The following CHL1 variants were observed in gnomAD, a reference collection of about 807,000 sequenced individuals.
CHL1 encodes neural cell adhesion molecule L1-like protein.
Under a neutral mutation model 141.9 loss-of-function variants are expected in CHL1, and 96 were observed. That is an observed-to-expected ratio of 0.68 (90% CI 0.57 to 0.80). The LOEUF is 0.80. CHL1 is among the 30% of genes least tolerant of loss of function. The pLI, the probability that CHL1 is intolerant of heterozygous loss-of-function variation, is 0.00. For missense variants in CHL1, 1,820 were observed against 1,457.2 expected, an observed-to-expected ratio of 1.25 and a Z score of -4.05; for synonymous variants, 613 against 502.2, an observed-to-expected ratio of 1.22 and a Z score of -2.95.
At chr3:222,879 T>G (rs1368568603) in intron 1 of CHL1, among the ~76,000 whole-genome samples, 6 of 152,166 alleles carry the variant, frequency 3.9e-5, no homozygotes, top group Non-Finnish European at 8.8e-5. Flanking sequence ...ATTCTCTGTG[T>G]TTTTTTAGTG....
Position 391,169 on chromosome 3 carries a change from T to A in CHL1, c.2791+10T>A, listed in dbSNP as rs1452232764. On this transcript the variant is annotated intron_variant, in intron 22 of 27. Coordinates refer to ENST00000256509, the MANE Select transcript of CHL1 (RefSeq NM_006614.4). ...CAAACACCAGAAGGAGGTGAGAGGATAATGATGTAGAGTCATGTCAAAAAT... is the reference window on the plus strand; with the variant it reads ...CAAACACCAGAAGGAGGTGAGAGGAAAATGATGTAGAGTCATGTCAAAAAT... 6.3e-7 allele frequency: 1 copy of A among 1,592,708 alleles called. No homozygotes were observed. The highest frequency in any genetic ancestry group is 2.2e-5 in the East Asian group (1 of 44,738).
chr3:308,191 T>C lies in CHL1; in HGVS notation c.-94-11492T>C, dbSNP rs73097067. ...AGAAAATAAAAGGAATTCAGAATTT[T>C]ATCAACCGTCTATATCTATGCAGAT... On this transcript the variant is annotated intron_variant, in intron 2 of 27. Transcript: ENST00000256509. 2.2e-3 allele frequency among the ~76,000 whole-genome samples: 342 copies of C among 152,352 alleles called. 2 individuals carry two copies. The highest frequency in any genetic ancestry group is 7.9e-3 in the African/African-American group (328 of 41,578).
intron 2 of CHL1, among the ~76,000 whole-genome samples, chr3:309,806 C>A (rs566804525): frequency 1.3e-5 from 2 of 152,262 alleles, no homozygotes; most frequent in East Asian, 1.9e-4. Context: ...TGAGGCACTG[C>A]ACTTGATCCT....
chr3:352,227 C>T (rs1005131839), intron 10 of CHL1, among the ~76,000 whole-genome samples: 5 of 151,848 alleles, frequency 3.3e-5, no homozygotes, highest in South Asian at 2.1e-4. Flanking sequence ...TAAAATGTTG[C>T]GATTAAATCC....
chr3:235,171 A>G (rs1036294729), intron 1 of CHL1, among the ~76,000 whole-genome samples: 3 of 152,054 alleles, frequency 2.0e-5, no homozygotes, highest in African/African-American at 7.2e-5. Context: ...AAACATTATT[A>G]AAAATATTTG....
intron 12 of CHL1, among the ~76,000 whole-genome samples, chr3:361,302 T>A (rs1361586643): frequency 2.1e-5 from 3 of 146,026 alleles, no homozygotes; most frequent in Admixed American, 7.1e-5. Flanking sequence ...ATTCAGGACA[T>A]AGGCATGGGC....
Position 360,300 on chromosome 3 carries a change from T to G in CHL1, c.1182T>G (p.Gly394=). ...GSPVDNHPFA[G]DVVFPREISF... ...CTCTTTCAGATCATCCATTTGCTGG[T>G]GATGTTGTCTTCCCCAGGGAAATCA... The change falls in exon 12 of 28, where the codon GGT becomes GGG. Residue 394 remains glycine, a synonymous_variant. Coordinates refer to ENST00000256509, the MANE Select transcript of CHL1 (RefSeq NM_006614.4). 1 of 1,613,854 alleles carries G rather than the reference T, an allele frequency of 6.2e-7. No homozygotes were observed. The highest frequency in any genetic ancestry group is 8.5e-7 in the Non-Finnish European group (1 of 1,179,786).
intron 2 of CHL1, among the ~76,000 whole-genome samples, chr3:293,418 G>A (rs185854896): frequency 3.3e-5 from 5 of 152,170 alleles, no homozygotes; most frequent in South Asian, 2.1e-4. Flanking sequence ...CACAAGAATC[G>A]CTTCAACCGG....
At chr3:253,611 A>G (rs558059853) in intron 2 of CHL1, among the ~76,000 whole-genome samples, 1 of 152,260 alleles carries the variant, frequency 6.6e-6, no homozygotes, top group South Asian at 2.1e-4. Flanking sequence ...TTAAAGACAC[A>G]TTTCTTTGTC....
In CHL1 at chr3:406,610, T is replaced by G. The variant is rs747891486; in HGVS notation, c.*899T>G. ...ATATATTTCATGAATACATTGTACA[T>G]ATTATGTTAATATTTACACAATTTA... On this transcript the variant is annotated 3_prime_UTR_variant, in exon 28 of 28. Transcript: ENST00000256509. 6.6e-6 allele frequency: 1 copy of G among 152,134 alleles called. No homozygotes were observed. The highest frequency in any genetic ancestry group is 1.5e-5 in the Non-Finnish European group (1 of 68,012). 9.4% of individuals were successfully genotyped at this position (152,134 alleles called of 1,614,324 possible).
intron 9 of CHL1, 133 bp from the exon 10 acceptor site, chr3:349,226 A>G: frequency 1.4e-6 from 1 of 709,748 alleles, no homozygotes; most frequent in Non-Finnish European, 2.3e-6. Context: ...GTCCACTGGT[A>G]AGGATGACGT....
chr3:390,787 A>G lies in CHL1; in HGVS notation c.2557A>G (p.Arg853Gly), dbSNP rs1708155353. Residue 853 changes from arginine to glycine, a missense_variant, in exon 21 of 28, where the codon AGA (arginine) becomes GGA (glycine). By Grantham distance (125) the Arg-to-Gly change is moderately radical. Transcript: ENST00000256509. Reference protein sequence around the residue: ...KVTWSTVPKDRVHGRLKGYQI... With the variant: ...KVTWSTVPKDGVHGRLKGYQI... ...TACCTGGTCAACAGTTCCAAAGGAC[A>G]GAGTACATGGACGTCTGAAAGGCTA... 1 of 1,609,954 alleles carries G rather than the reference A, an allele frequency of 6.2e-7. No individual in the cohort carries two copies. The highest frequency in any genetic ancestry group is 8.5e-7 in the Non-Finnish European group (1 of 1,176,244).
chr3:339,160 G>A (rs1160788070), intron 5 of CHL1, among the ~76,000 whole-genome samples: 3 of 152,144 alleles, frequency 2.0e-5, no homozygotes, highest in South Asian at 4.1e-4. Context: ...AGTGTTTACT[G>A]GGCTTAAGTT....
chr3:281,235 T>C (rs1349549142), intron 2 of CHL1, among the ~76,000 whole-genome samples: 9 of 152,196 alleles, frequency 5.9e-5, no homozygotes, highest in African/African-American at 1.7e-4. Context: ...ATCTCCCTAG[T>C]AATTGTGCAG....
In CHL1 at chr3:218,678, A is replaced by G. The variant is rs1344028531; in HGVS notation, c.-175+21615A>G. On this transcript the variant is annotated intron_variant, in intron 1 of 27. Transcript: ENST00000256509. ...CTAACTTTCAAATCTATGTGAAATGATATGATTTATTGTGATATAAAGAAT... is the reference window on the plus strand; with the variant it reads ...CTAACTTTCAAATCTATGTGAAATGGTATGATTTATTGTGATATAAAGAAT... Among the ~76,000 whole-genome samples the G allele has an allele frequency of 3.3e-5, 5 of 152,340 alleles. No individual in the cohort carries two copies. In the East Asian group the frequency reaches 7.7e-4, roughly 24 times the overall value.
At chr3:337,185 G>GTTTTTTT (rs1159691986) in intron 5 of CHL1, among the ~76,000 whole-genome samples, 1 of 81,118 alleles carries the variant, frequency 1.2e-5, no homozygotes, top group Non-Finnish European at 2.4e-5. Context: ...ACATTCTTTT[G>GTTTTTTT]TTTTTGTTTT....
chr3:358,550 G>A (rs1703924558), intron 11 of CHL1, among the ~76,000 whole-genome samples: 1 of 152,034 alleles, frequency 6.6e-6, no homozygotes, highest in African/African-American at 2.4e-5. Flanking sequence ...TACTTACAGG[G>A]GCCTTTCAGG....
At chr3:237,768 T>C (rs926470266) in intron 1 of CHL1, among the ~76,000 whole-genome samples, 3 of 152,180 alleles carry the variant, frequency 2.0e-5, no homozygotes, top group African/African-American at 7.2e-5. Context: ...AAATATGACA[T>C]CTGACATATA....
intron 10 of CHL1, among the ~76,000 whole-genome samples, chr3:351,155 C>T (rs1308585622): frequency 2.6e-5 from 4 of 152,122 alleles, no homozygotes; most frequent in African/African-American, 9.7e-5. Flanking sequence ...TAAAACCAAA[C>T]CTTTCAAAAG....
Sources: allele counts gnomAD v4.1 joint callset (sites outside exome capture counted in the v4.1 genomes callset), GRCh38; gene constraint gnomAD v4.1.1; transcripts MANE v1.5; gene names NCBI Gene and HGNC (gene_info 2026-07-23, HGNC 2026-07-21).